The following ELF1 variants were observed in gnomAD, a reference collection of about 807,000 sequenced individuals.
ELF1 encodes E74 like ETS transcription factor 1, also known as ETS-related transcription factor Elf-1.
Under a neutral mutation model 59.9 loss-of-function variants are expected in ELF1, and 24 were observed. The ratio of observed to expected loss-of-function variants is 0.40; its 90% CI spans 0.29 to 0.56. The LOEUF (loss-of-function observed/expected upper bound fraction) is 0.56. Ranked by LOEUF, ELF1 falls within the 20% of genes least tolerant of loss-of-function variation. ELF1 has a pLI of 0.44. For synonymous variants in ELF1, 248 were observed against 266.2 expected (o/e 0.93, Z 0.67); for missense variants, 627 against 742.2 (o/e 0.84, Z 1.80).
intron 1 of ELF1, among the ~76,000 whole-genome samples, chr13:41,027,950 G>GAGTT (rs1876003982): frequency 6.6e-6 from 1 of 152,158 alleles, no homozygotes; most frequent in Non-Finnish European, 1.5e-5. Context: ...TACACATTCT[G>GAGTT]AGTTAGCATC....
chr13:41,047,138 T>C (rs1205897628), intron 1 of ELF1, among the ~76,000 whole-genome samples: 2 of 152,244 alleles, frequency 1.3e-5, no homozygotes, highest in Non-Finnish European at 2.9e-5. Context: ...TCAGGTCGTT[T>C]AAGGACTTCT....
intron 1 of ELF1, among the ~76,000 whole-genome samples, chr13:41,037,664 C>G (rs573930921): frequency 1.3e-5 from 2 of 151,778 alleles, no homozygotes; most frequent in East Asian, 1.9e-4. Flanking sequence ...GGCATGGTGG[C>G]GCATGCCTGT....
At position 40,933,805 on chromosome 13, in the gene ELF1, G is replaced by A. The variant is rs921953794; in HGVS notation, c.1480C>T (p.Pro494Ser). The stretch of plus-strand genomic sequence containing the variant: ...GCAGGGCCCAAGACAATTGAAGGAG[G>A]AGAGCCCGCCTTTTGTGACTGCAGC... ...VMLQSQKAGS[P>S]PSIVLGPAQV... The change falls in exon 9 of 9, where the codon CCT (proline) becomes TCT (serine). Residue 494 changes from proline to serine, a missense_variant. Transcript: ENST00000239882. 1.9e-6 allele frequency: 3 copies of A among 1,614,166 alleles called. No individual in the cohort carries two copies. The African/African-American group carries it at 4.0e-5, about 22-fold the overall frequency.
At chr13:40,934,157 C>T in intron 8 of ELF1, 129 bp from the exon 9 acceptor site, 1 of 1,225,310 alleles carries the variant, frequency 8.2e-7, no homozygotes, top group Non-Finnish European at 1.1e-6. Flanking sequence ...ATATTTTCAA[C>T]AGAGCATGAC....
intron 8 of ELF1, among the ~76,000 whole-genome samples, chr13:40,936,852 C>T (rs1048475494): frequency 9.9e-5 from 15 of 151,090 alleles, no homozygotes; most frequent in Non-Finnish European, 1.5e-4. Flanking sequence ...GAGGCTGAGG[C>T]AGGAGAACTG....
intron 2 of ELF1, among the ~76,000 whole-genome samples, chr13:40,964,830 C>T (rs1566174121): frequency 1.3e-5 from 2 of 152,272 alleles, no homozygotes; most frequent in South Asian, 2.1e-4. Flanking sequence ...CCACCGCACC[C>T]AGCCCAAATT....
chr13:40,986,914 T>C (rs1454722594), intron 1 of ELF1, among the ~76,000 whole-genome samples: 1 of 151,170 alleles, frequency 6.6e-6, no homozygotes, highest in Non-Finnish European at 1.5e-5. Context: ...AATTCATAAA[T>C]ATATTTTTAG....
intron 5 of ELF1, among the ~76,000 whole-genome samples, 158 bp downstream of exon 5, chr13:40,949,648 C>T (rs1454267601): frequency 6.6e-6 from 1 of 152,184 alleles, no homozygotes; most frequent in East Asian, 1.9e-4. Context: ...AATCTCCGTG[C>T]CTGGCCAAGA....
intron 1 of ELF1, among the ~76,000 whole-genome samples, chr13:41,009,037 C>T (rs1384837177): frequency 1.3e-5 from 2 of 151,820 alleles, no homozygotes; most frequent in Admixed American, 1.3e-4. Context: ...AATCCTCCTG[C>T]CTCAGGTTCT....
chr13:40,960,375 C>A (rs1464179728), intron 2 of ELF1, among the ~76,000 whole-genome samples: 3 of 152,194 alleles, frequency 2.0e-5, no homozygotes, highest in Non-Finnish European at 4.4e-5. Flanking sequence ...CTGAGAAGTT[C>A]TTTGCTCTTT....
intron 1 of ELF1, among the ~76,000 whole-genome samples, chr13:41,011,158 T>C (rs556426616): frequency 1.9e-4 from 29 of 152,308 alleles, no homozygotes; most frequent in Admixed American, 1.9e-3. Flanking sequence ...AACAATCTAT[T>C]AGCTACTTAA....
At chr13:40,974,779 A>G (rs1872800408) in intron 2 of ELF1, among the ~76,000 whole-genome samples, 1 of 152,204 alleles carries the variant, frequency 6.6e-6, no homozygotes, top group South Asian at 2.1e-4. Context: ...CTCCTCTTTC[A>G]TAACAACTAT....
At chr13:41,043,119 C>T (rs1310666105) in intron 1 of ELF1, among the ~76,000 whole-genome samples, 2 of 152,224 alleles carry the variant, frequency 1.3e-5, no homozygotes, top group Non-Finnish European at 2.9e-5. Context: ...GAAGTGTCTG[C>T]TCATATCCTT....
At chr13:41,052,583 G>A (rs960223874) in intron 1 of ELF1, among the ~76,000 whole-genome samples, 8 of 152,024 alleles carry the variant, frequency 5.3e-5, no homozygotes, top group Non-Finnish European at 1.2e-4. Flanking sequence ...AGGCACAGTC[G>A]CTCACGCCTG....
chr13:40,989,011 T>C (rs951209248), intron 1 of ELF1, among the ~76,000 whole-genome samples: 1 of 152,190 alleles, frequency 6.6e-6, no homozygotes, highest in African/African-American at 2.4e-5. Context: ...TTGCCCAAGG[T>C]GGCCTCGAAC....
intron 2 of ELF1, among the ~76,000 whole-genome samples, chr13:40,978,368 ACT>A (rs750016729): frequency 1.3e-5 from 2 of 149,924 alleles, no homozygotes; most frequent in Non-Finnish European, 3.0e-5. Flanking sequence ...ACGAGGCAAG[ACT>A]CAGTCTCAAA....
chr13:41,056,739 A>G (rs1877299894), intron 1 of ELF1, among the ~76,000 whole-genome samples: 1 of 152,234 alleles, frequency 6.6e-6, no homozygotes, highest in African/African-American at 2.4e-5. Flanking sequence ...AAACAGGTTA[A>G]TTTCAGATAC....
intron 2 of ELF1, among the ~76,000 whole-genome samples, chr13:40,965,075 A>G (rs745760673): frequency 9.2e-5 from 14 of 152,260 alleles, no homozygotes; most frequent in Non-Finnish European, 1.5e-4. Flanking sequence ...GTCATTTAAC[A>G]ATTTGTTCCC....
At chr13:41,039,192 G>A (rs1465756122) in intron 1 of ELF1, among the ~76,000 whole-genome samples, 1 of 151,808 alleles carries the variant, frequency 6.6e-6, no homozygotes, top group Non-Finnish European at 1.5e-5. Context: ...TTGAGCCCAA[G>A]AGATTGAGAC....
Sources: allele counts gnomAD v4.1 joint callset (sites outside exome capture counted in the v4.1 genomes callset), GRCh38; gene constraint gnomAD v4.1.1; transcripts MANE v1.5; gene names NCBI Gene and HGNC (gene_info 2026-07-23, HGNC 2026-07-21).